The following CLASP1 variants were observed in gnomAD, a reference collection of about 807,000 sequenced individuals.
CLASP1 encodes the protein CLIP-associating protein 1.
CLASP1 carries 38 observed loss-of-function variants against 192.3 expected under a neutral mutation model. The observed-to-expected ratio is 0.20, with a 90% CI of 0.15 to 0.26. The LOEUF (loss-of-function observed/expected upper bound fraction) is 0.26, where lower values mean the gene tolerates loss of function less well. Ranked by LOEUF, CLASP1 falls within the 10% of genes least tolerant of loss-of-function variation. The pLI, the probability that CLASP1 is intolerant of heterozygous loss-of-function variation, is 1.00. For synonymous variants in CLASP1, 691 were observed against 712.8 expected (o/e 0.97, Z 0.49); for missense variants, 1,433 against 1,932.5 (o/e 0.74, Z 4.85).
chr2:121,640,696 T>C (rs550878789), intron 1 of CLASP1, among the ~76,000 whole-genome samples: 1 of 148,018 alleles, frequency 6.8e-6, no homozygotes, highest in East Asian at 2.0e-4. Flanking sequence ...AAAAAAAAAA[T>C]GGGATAAATG....
In CLASP1 at chr2:121,448,436, A is replaced by C; in HGVS notation, c.1692-111T>G. ...GAAGAATTATTTCAGAGTTTTCAGA[A>C]TTTTTTGGGCAATGTGAACCACAAT... On this transcript the variant is annotated intron_variant, in intron 17 of 39. Transcript: ENST00000263710. 3.7e-6 allele frequency: 4 copies of C among 1,066,908 alleles called. No individual in the cohort carries two copies. The East Asian group carries it at 9.8e-5, about 26-fold the overall frequency. 66.1% of individuals were successfully genotyped at this position (1,066,908 alleles called of 1,614,324 possible). A position where few individuals can be genotyped will look rare whatever the true frequency, so the allele number is the denominator to read the frequency against.
chr2:121,457,458 TACACACACACACACAC>T (rs112547655), intron 14 of CLASP1, among the ~76,000 whole-genome samples: 7 of 143,552 alleles, frequency 4.9e-5, no homozygotes, highest in South Asian at 2.2e-4. Context: ...CACACAGACA[TACACACACACACACAC>T]ACACACACAC....
Position 121,462,837 on chromosome 2 carries a change from T to C in CLASP1, c.866-232A>G, listed in dbSNP as rs530940745. 3.9e-5 allele frequency among the ~76,000 whole-genome samples: 6 copies of C among 152,282 alleles called. No homozygotes were observed. The South Asian group carries it at 1.0e-3, about 26-fold the overall frequency. On this transcript the variant is annotated intron_variant, in intron 9 of 39. Transcript: ENST00000263710. ...CTATATACATTAGCTTAAGGTCACT[T>C]AGACTACCTGTTTAAGCAGGGAGGG... is the stretch of plus-strand genomic sequence containing the variant.
exon 20 of CLASP1, chr2:121,430,081 T>C (rs1486127100): frequency 1.9e-6 from 3 of 1,564,794 alleles, no homozygotes; most frequent in East Asian, 2.4e-5. Context: ...ACGCTGGGAC[T>C]GTGAAACCAC....
At chr2:121,371,228 CAT>C (rs1412209185) in intron 34 of CLASP1, among the ~76,000 whole-genome samples, 6 of 146,874 alleles carry the variant, frequency 4.1e-5, no homozygotes, top group African/African-American at 7.6e-5. Context: ...TGTATATATA[CAT>C]ATATATATAT....
chr2:121,598,674 T>C (rs2063419916), intron 2 of CLASP1, among the ~76,000 whole-genome samples: 1 of 152,160 alleles, frequency 6.6e-6, no homozygotes, highest in Non-Finnish European at 1.5e-5. Context: ...AAAATTAGGA[T>C]ACCACTATCT....
chr2:121,578,143 G>A (rs1218132952), intron 2 of CLASP1, among the ~76,000 whole-genome samples: 1 of 151,892 alleles, frequency 6.6e-6, no homozygotes, highest in East Asian at 1.9e-4. Flanking sequence ...ATGTTGCTCG[G>A]GCTGGTCTCG....
chr2:121,568,013 CAG>C (rs1470778948), intron 2 of CLASP1, among the ~76,000 whole-genome samples: 1 of 152,096 alleles, frequency 6.6e-6, no homozygotes, highest in Non-Finnish European at 1.5e-5. Context: ...GAATCAAAAA[CAG>C]AGAAAGATCA....
chr2:121,416,683 C>G (rs920911519), intron 23 of CLASP1, among the ~76,000 whole-genome samples: 1 of 152,178 alleles, frequency 6.6e-6, no homozygotes, highest in Non-Finnish European at 1.5e-5. Flanking sequence ...TCAGAACAAG[C>G]ATTTAATATA....
chr2:121,621,093 C>T (rs532425408), intron 1 of CLASP1, among the ~76,000 whole-genome samples: 7 of 152,100 alleles, frequency 4.6e-5, no homozygotes, highest in African/African-American at 1.7e-4. Context: ...TTGGTACATG[C>T]TTGTAGTCCC....
intron 8 of CLASP1, among the ~76,000 whole-genome samples, chr2:121,479,020 A>ACACACACAC (rs1291153601): frequency 1.0e-4 from 6 of 57,404 alleles, no homozygotes; most frequent in African/African-American, 9.9e-4. Flanking sequence ...CACACACCAC[A>ACACACACAC]CACACACACA....
At chr2:121,528,573 A>C (rs2094644648) in intron 4 of CLASP1, 104 bp downstream of exon 4, 1 of 839,226 alleles carries the variant, frequency 1.2e-6, no homozygotes, top group South Asian at 1.4e-5. Context: ...ACATCAGCTT[A>C]AGTCTATGGA....
chr2:121,521,596 C>T (rs896146274), intron 6 of CLASP1, among the ~76,000 whole-genome samples: 1 of 152,192 alleles, frequency 6.6e-6, no homozygotes, highest in African/African-American at 2.4e-5. Flanking sequence ...CCAAAAGCAT[C>T]CTAGCCCACA....
Position 121,382,635 on chromosome 2 carries a change from T to C in CLASP1, c.3375-311A>G, listed in dbSNP as rs2072002588. Among the ~76,000 whole-genome samples the C allele has an allele frequency of 2.0e-5, 3 of 152,218 alleles. No individual in the cohort carries two copies. The South Asian group carries it at 6.2e-4, about 32-fold the overall frequency. ...GTGTGTATATGTCAGTATGAGGGGC[T>C]GTGTGTATCTGCATGCACTGGGAAG... On this transcript the variant is annotated intron_variant, in intron 32 of 39. Coordinates refer to ENST00000263710, the Ensembl canonical transcript of CLASP1.
chr2:121,417,066 G>A (rs1257273864), intron 23 of CLASP1, among the ~76,000 whole-genome samples: 1 of 152,202 alleles, frequency 6.6e-6, no homozygotes, highest in Non-Finnish European at 1.5e-5. Context: ...GCTAGAGCCT[G>A]TGAGGACCCA....
intron 34 of CLASP1, among the ~76,000 whole-genome samples, chr2:121,368,852 T>A (rs1004116897): frequency 6.6e-6 from 1 of 152,246 alleles, no homozygotes; most frequent in African/African-American, 2.4e-5. Flanking sequence ...TTTTGATCAT[T>A]CCTAACATAC....
At chr2:121,611,750 AAG>A (rs1428343324) in intron 1 of CLASP1, among the ~76,000 whole-genome samples, 1 of 148,866 alleles carries the variant, frequency 6.7e-6, no homozygotes, top group Non-Finnish European at 1.5e-5. Context: ...TTACAGGAGA[AAG>A]AGGAACTGGA....
At chr2:121,633,306 C>A (rs901412656) in intron 1 of CLASP1, among the ~76,000 whole-genome samples, 1 of 152,056 alleles carries the variant, frequency 6.6e-6, no homozygotes, top group African/African-American at 2.4e-5. Flanking sequence ...CCCCCAGATA[C>A]CTTCTTAAAA....
intron 25 of CLASP1, among the ~76,000 whole-genome samples, chr2:121,405,500 C>T (rs182505076): frequency 2.0e-5 from 3 of 152,274 alleles, no homozygotes; most frequent in Admixed American, 2.0e-4. Flanking sequence ...TTTTCTGATC[C>T]TTGACTACTA....
Sources: gnomAD v4.1 joint callset for allele counts (sites outside exome capture counted in the v4.1 genomes callset) on GRCh38, gnomAD v4.1.1 for gene constraint, MANE v1.5 for transcripts, NCBI Gene and HGNC (gene_info 2026-07-23, HGNC 2026-07-21) for gene names.